Variants in TRIM25 observed in about 807,000 individuals in gnomAD.
The protein encoded by TRIM25 is E3 ubiquitin/ISG15 ligase TRIM25.
TRIM25 carries 45 observed loss-of-function variants against 65.2 expected under a neutral mutation model. That is an observed-to-expected ratio of 0.69 (90% CI 0.54 to 0.89). TRIM25 has a LOEUF of 0.89. Ranked by LOEUF, TRIM25 falls within the 40% of genes least tolerant of loss-of-function variation. The probability of loss-of-function intolerance (pLI) is 0.00; values close to 1 mark genes in which losing one functional copy is unlikely to be tolerated. For synonymous variants in TRIM25, 321 were observed against 340.4 expected (o/e 0.94, Z 0.63); for missense variants, 714 against 803.7 (o/e 0.89, Z 1.35).
At chr17:56,907,015 T>C (rs1909534129) in intron 2 of TRIM25, among the ~76,000 whole-genome samples, 1 of 152,224 alleles carries the variant, frequency 6.6e-6, no homozygotes, top group Admixed American at 6.5e-5. Flanking sequence ...TGCAACACTG[T>C]GTCACTTGTG....
chr17:56,897,298 C>A (rs55796698), intron 5 of TRIM25, among the ~76,000 whole-genome samples: 1 of 152,104 alleles, frequency 6.6e-6, no homozygotes, highest in Non-Finnish European at 1.5e-5. Flanking sequence ...CAAAAAGGGG[C>A]GTTTTTGAAA....
Position 56,895,606 on chromosome 17 carries a change from T to C in TRIM25, c.1181-2A>G. Reference sequence around the variant, plus strand: ...TGCTGGGTAAGGCAGGGACAGGGGCTGGGGGTAAGGAAAGGGAAATATGAT... The same window carrying C: ...TGCTGGGTAAGGCAGGGACAGGGGCCGGGGGTAAGGAAAGGGAAATATGAT... On this transcript the variant is annotated splice_acceptor_variant, in intron 6 of 8. Transcript: ENST00000316881. LOFTEE classifies it high-confidence loss of function. 6.4e-7 allele frequency: 1 copy of C among 1,554,978 alleles called. No individual in the cohort carries two copies. Among genetic ancestry groups the C allele is most frequent in the Non-Finnish European group, 8.7e-7 (1 of 1,149,614 alleles).
chr17:56,893,151 C>T (rs1352870286), intron 8 of TRIM25, among the ~76,000 whole-genome samples: 1 of 150,608 alleles, frequency 6.6e-6, no homozygotes, highest in Admixed American at 6.6e-5. Context: ...AGAAGGGAAA[C>T]ATGTTGGGGC....
chr17:56,890,456 C>G lies in TRIM25; in HGVS notation c.*1244G>C. 1 of 381,302 alleles carries G rather than the reference C, an allele frequency of 2.6e-6. No homozygotes were observed. Among genetic ancestry groups the G allele is most frequent in the South Asian group, 1.9e-5 (1 of 52,376 alleles). The allele number at this position is 381,302 out of a possible 1,614,324, so 23.6% of individuals were successfully genotyped here. A position where few individuals can be genotyped will look rare whatever the true frequency, so the allele number is the denominator to read the frequency against. ...GTCAGTAGAAGGGGCTAGGGCCAGC[C>G]CCAGGCTCTGACTCACGCAAGGGCC... On this transcript the variant is annotated 3_prime_UTR_variant, in exon 9 of 9. Transcript: ENST00000316881.
At chr17:56,904,147 T>A (rs1475222600) in intron 3 of TRIM25, 108 bp downstream of exon 3, 1 of 914,038 alleles carries the variant, frequency 1.1e-6, no homozygotes, top group Non-Finnish European at 1.7e-6. Context: ...CAGGGATGCT[T>A]CCAGTGACCT....
At chr17:56,902,914 G>A (rs570046975) in intron 3 of TRIM25, among the ~76,000 whole-genome samples, 157 of 152,244 alleles carry the variant, frequency 1.0e-3, no homozygotes, top group Non-Finnish European at 1.9e-3. Flanking sequence ...GTTGTTTAAC[G>A]GAGGCTGGCA....
chr17:56,898,886 C>T, intron 5 of TRIM25: 1 of 539,266 alleles, frequency 1.9e-6, no homozygotes. Context: ...TCAAAACAAG[C>T]CAGCCTCAGG....
In TRIM25 at chr17:56,890,875, A is replaced by G; in HGVS notation, c.*825T>C. The G allele has an allele frequency of 2.2e-6, 1 of 456,776 alleles. No individual in the cohort carries two copies. Among genetic ancestry groups the G allele is most frequent in the South Asian group, 1.5e-5 (1 of 64,570 alleles). 28.3% of individuals were successfully genotyped at this position (456,776 alleles called of 1,614,324 possible). On this transcript the variant is annotated 3_prime_UTR_variant, in exon 9 of 9. Transcript: ENST00000316881. ...CAAGGCTATGGGAAGCAAGGCCTCC[A>G]GCAAAGCTCATGGCTGCCACCAAAG...
At position 56,891,811 on chromosome 17, in the gene TRIM25, G is replaced by A. The variant is rs376125619; in HGVS notation, c.1782C>T (p.Ala594=). The A allele has an allele frequency of 1.4e-5, 22 of 1,614,062 alleles. No individual in the cohort carries two copies. The highest frequency in any genetic ancestry group is 6.7e-5 in the Admixed American group (4 of 59,998). ...DHGFVIFFAV[A]DKVHLMYKFR... ...ACTTATACATCAGGTGGACCTTGTCGGCAACAGCGAAGAAGATGACAAAGC... is the reference window on the plus strand; with the variant it reads ...ACTTATACATCAGGTGGACCTTGTCAGCAACAGCGAAGAAGATGACAAAGC... The change falls in exon 9 of 9, where the codon GCC becomes GCT. Residue 594 remains alanine, a synonymous_variant. Transcript: ENST00000316881.
chr17:56,894,433 A>G (rs1216012607), intron 8 of TRIM25, among the ~76,000 whole-genome samples: 14 of 152,156 alleles, frequency 9.2e-5, no homozygotes, highest in Non-Finnish European at 5.9e-5. Context: ...TATTTTTAGT[A>G]GAGATGGGGT....
chr17:56,894,529 C>T (rs1367202514), intron 8 of TRIM25, among the ~76,000 whole-genome samples: 2 of 152,224 alleles, frequency 1.3e-5, no homozygotes, highest in African/African-American at 2.4e-5. Context: ...GGATTACAGG[C>T]ATGAGCCACC....
chr17:56,898,416 G>A (rs1002492342), intron 5 of TRIM25, among the ~76,000 whole-genome samples: 1 of 152,136 alleles, frequency 6.6e-6, no homozygotes, highest in Non-Finnish European at 1.5e-5. Context: ...GAATCATCCT[G>A]TGGCCTCGAT....
In TRIM25 at chr17:56,891,913, G is replaced by A. The variant is rs1233236843; in HGVS notation, c.1680C>T (p.Ala560=). 1 of 1,614,134 alleles carries A rather than the reference G, an allele frequency of 6.2e-7. No individual in the cohort carries two copies. Among genetic ancestry groups the A allele is most frequent in the Non-Finnish European group, 8.5e-7 (1 of 1,180,052 alleles). ...GGGTTTTCTCCACGTTATTGTGCCA[G>A]GCAGAGATCTTGGTGTTGAACCACT... is the stretch of plus-strand genomic sequence containing the variant. ...CVEWFNTKIS[A]WHNNVEKTLP... is the part of the protein sequence containing the mutation. The change falls in exon 9 of 9, where the codon GCC becomes GCT. Residue 560 remains alanine (A), a synonymous_variant. Transcript: ENST00000316881.
At chr17:56,904,032 T>C (rs1019498367) in intron 3 of TRIM25, among the ~76,000 whole-genome samples, 1 of 152,172 alleles carries the variant, frequency 6.6e-6, no homozygotes, top group Non-Finnish European at 1.5e-5. Flanking sequence ...CATGTCCAGA[T>C]TCCTGAGCCA....
At chr17:56,899,224 T>C (rs1188334809) in intron 4 of TRIM25, 44 bp from the exon 5 acceptor site, 5 of 1,609,414 alleles carry the variant, frequency 3.1e-6, no homozygotes, top group Non-Finnish European at 4.3e-6. Context: ...CTCCTCTCAC[T>C]GACCCTAGCA....
rs544486064 is a variant in TRIM25, at chr17:56,899,657, G to A, written c.1088-477C>T. On this transcript the variant is annotated intron_variant, in intron 4 of 8. Coordinates refer to ENST00000316881, the MANE Select transcript of TRIM25 (RefSeq NM_005082.5). ...TCCACAATGGGGCTGCACCGCCACC[G>A]ATTTCAGAAGCCCTTCTGCAAGGAC... Among the ~76,000 whole-genome samples the A allele has an allele frequency of 1.2e-4, 18 of 152,296 alleles. No individual in the cohort carries two copies. The South Asian group carries it at 2.3e-3, about 19-fold the overall frequency.
At chr17:56,904,210 C>CAAAA in intron 3 of TRIM25, 45 bp downstream of exon 3, 11 of 1,283,668 alleles carry the variant, frequency 8.6e-6, no homozygotes, top group Admixed American at 2.2e-5. Context: ...TGACATCAGG[C>CAAAA]AAAAAAAAAA....
chr17:56,907,669 A>C (rs1438694990), intron 2 of TRIM25, among the ~76,000 whole-genome samples: 3 of 152,232 alleles, frequency 2.0e-5, no homozygotes, highest in East Asian at 3.8e-4. Context: ...ATTCCCTTTC[A>C]GTTTCTTTCC....
At position 56,890,263 on chromosome 17, in the gene TRIM25, G is replaced by T. The variant is rs917380657; in HGVS notation, c.*1437C>A. On this transcript the variant is annotated 3_prime_UTR_variant, in exon 9 of 9. Coordinates refer to ENST00000316881, the MANE Select transcript of TRIM25 (RefSeq NM_005082.5). ...CATCCTGACAACATTAGGCTATAAG[G>T]AGCTTGGGGAAAATCCAGCCATCCA... 4 of 323,778 alleles carry T rather than the reference G, an allele frequency of 1.2e-5. No homozygotes were observed. The Admixed American group carries it at 1.8e-4, about 15-fold the overall frequency. 20.1% of individuals were successfully genotyped at this position (323,778 alleles called of 1,614,324 possible).
Sources: gnomAD v4.1 joint callset for allele counts (sites outside exome capture counted in the v4.1 genomes callset) on GRCh38, gnomAD v4.1.1 for gene constraint, MANE v1.5 for transcripts, NCBI Gene and HGNC (gene_info 2026-07-23, HGNC 2026-07-21) for gene names.